The following SIRT1 variants were observed in gnomAD, a reference collection of about 807,000 sequenced individuals.
SIRT1 encodes the protein sirtuin 1.
In SIRT1, 24 loss-of-function variants were observed where a neutral mutation model predicts 67.9. The ratio of observed to expected loss-of-function variants is 0.35; its 90% CI spans 0.26 to 0.50. SIRT1 has a LOEUF of 0.50. Ranked by LOEUF, SIRT1 falls within the 20% of genes least tolerant of loss-of-function variation. SIRT1 has a pLI of 0.98. For synonymous variants in SIRT1, 378 were observed against 350.7 expected, an observed-to-expected ratio of 1.08 and a Z score of -0.87; for missense variants, 873 against 937.2, an observed-to-expected ratio of 0.93 and a Z score of 0.89.
intron 4 of SIRT1, among the ~76,000 whole-genome samples, chr10:67,893,990 A>T (rs1842614576): frequency 6.6e-6 from 1 of 152,214 alleles, no homozygotes; most frequent in South Asian, 2.1e-4. Flanking sequence ...AAAAAAAGTG[A>T]TTTTTTGGAT....
rs548209348 is a variant in SIRT1, at chr10:67,913,722, T to C, written c.1915+691T>C. Among the ~76,000 whole-genome samples, 267 of 152,240 alleles carry C rather than the reference T, an allele frequency of 1.8e-3. 1 individual carries two copies. The highest frequency in any genetic ancestry group is 6.0e-3 in the African/African-American group (248 of 41,558). ...CTGTATGGTGGAAATTCCTAACTTA[T>C]GTTAAAAAAAAGAAAACCACTGTAA... On this transcript the variant is annotated intron_variant, in intron 8 of 8. Transcript: ENST00000212015.
In SIRT1 at chr10:67,906,954, G is replaced by C; in HGVS notation, c.1090+17G>C. 1 of 1,537,516 alleles carries C rather than the reference G, an allele frequency of 6.5e-7. No individual in the cohort carries two copies. Among genetic ancestry groups the C allele is most frequent in the Non-Finnish European group, 8.7e-7 (1 of 1,148,886 alleles). ...AGTGTCATGGTTAGTAAACTTCAGAGTGGTTTTCTGTAATTTATTTTAGTT... is the reference window on the plus strand; with the variant it reads ...AGTGTCATGGTTAGTAAACTTCAGACTGGTTTTCTGTAATTTATTTTAGTT... On this transcript the variant is annotated intron_variant, in intron 5 of 8. Coordinates refer to ENST00000212015, the MANE Select transcript of SIRT1 (RefSeq NM_012238.5).
intron 7 of SIRT1, among the ~76,000 whole-genome samples, chr10:67,911,580 G>A (rs1302680762): frequency 6.6e-6 from 1 of 151,970 alleles, no homozygotes; most frequent in Non-Finnish European, 1.5e-5. Context: ...TTATAATAGC[G>A]TAGAATATGT....
At position 67,906,943 on chromosome 10, in the gene SIRT1, T is replaced by G; in HGVS notation, c.1090+6T>G. The G allele has an allele frequency of 6.4e-7, 1 of 1,571,700 alleles. No individual in the cohort carries two copies. The highest frequency in any genetic ancestry group is 8.6e-7 in the Non-Finnish European group (1 of 1,164,606). On this transcript the variant is annotated splice_donor_region_variant and intron_variant, in intron 5 of 8. Transcript: ENST00000212015. Reference sequence around the variant, plus strand: ...AAGGATAATTCAGTGTCATGGTTAGTAAACTTCAGAGTGGTTTTCTGTAAT... The same window carrying G: ...AAGGATAATTCAGTGTCATGGTTAGGAAACTTCAGAGTGGTTTTCTGTAAT...
intron 7 of SIRT1, among the ~76,000 whole-genome samples, chr10:67,910,572 A>G (rs147487340): frequency 5.8e-4 from 89 of 152,244 alleles, no homozygotes; most frequent in South Asian, 1.0e-3. Context: ...TTCAAATTTA[A>G]TTGATTTCAC....
intron 8 of SIRT1, among the ~76,000 whole-genome samples, chr10:67,915,398 C>A (rs897945867): frequency 6.6e-6 from 1 of 152,152 alleles, no homozygotes; most frequent in Admixed American, 6.5e-5. Context: ...ACTTAAACCC[C>A]AAATGGCCAA....
At position 67,909,205 on chromosome 10, in the gene SIRT1, T is replaced by G. The variant is rs531098462; in HGVS notation, c.1171-51T>G. ...TATGGAAATGTTGACTATTTCTAAC[T>G]TGGGCTTACTCTTTGCTTCTCTACC... On this transcript the variant is annotated intron_variant, in intron 6 of 8. Transcript: ENST00000212015. The G allele has an allele frequency of 4.7e-6, 6 of 1,276,190 alleles. No homozygotes were observed. In the Admixed American group the frequency reaches 1.2e-4, roughly 26 times the overall value. The allele number at this position is 1,276,190 out of a possible 1,614,324, so 79.1% of individuals were successfully genotyped here.
intron 4 of SIRT1, among the ~76,000 whole-genome samples, chr10:67,898,264 AAAAAAAAAAGAAAAG>A (rs1235333269): frequency 5.3e-5 from 8 of 151,150 alleles, no homozygotes; most frequent in South Asian, 4.2e-4. Flanking sequence ...GTCTCAAAAA[AAAAAAAAAAGAAAAG>A]AAAAAAAAAG....
chr10:67,885,201 C>T (rs991333486), intron 1 of SIRT1, 50 bp downstream of exon 1: 4 of 1,294,678 alleles, frequency 3.1e-6, no homozygotes, highest in Admixed American at 8.1e-5. Context: ...CTCCCTCTCC[C>T]CGGGCTCCTA....
chr10:67,906,828 C>T lies in SIRT1; in HGVS notation c.981C>T (p.His327=), dbSNP rs773223608. ...GACAATTCCAGCCATCTCTCTGTCACAAATTCATAGCCTTGTCAGATAAGG... is the reference window on the plus strand; with the variant it reads ...GACAATTCCAGCCATCTCTCTGTCATAAATTCATAGCCTTGTCAGATAAGG... ...YPGQFQPSLC[H]KFIALSDKEG... is the part of the protein sequence containing the mutation. Residue 327 remains histidine, a synonymous_variant, in exon 5 of 9, where the codon CAC becomes CAT. Transcript: ENST00000212015. 2.4e-5 allele frequency: 39 copies of T among 1,612,992 alleles called. 1 individual carries two copies. The South Asian group carries it at 4.1e-4, about 17-fold the overall frequency.
rs80176270 is a variant in SIRT1 at position 67,885,814 on chromosome 10, C to T, written c.430+663C>T. ...TCATATTACTTTTATTCTAATCTTG[C>T]TCTTGTGCGGTAATGGTGTTTGGGC... On this transcript the variant is annotated intron_variant, in intron 1 of 8. Transcript: ENST00000212015. Among the ~76,000 whole-genome samples the T allele has an allele frequency of 5.9e-3, 897 of 152,076 alleles. 13 individuals carry two copies. Among genetic ancestry groups the T allele is most frequent in the African/African-American group, 0.021 (862 of 41,494 alleles).
rs1041162404 is a variant in SIRT1, at chr10:67,916,847, GACTA to G, written c.*258_*261del. ...GTATCTTCAATCAGCTGTTGGTCAA[GACTA>G]ACTTTCTTTTAAAGGTTCATTTGTA... On this transcript the variant is annotated 3_prime_UTR_variant, in exon 9 of 9. Transcript: ENST00000212015. 8.8e-5 allele frequency: 18 copies of G among 203,676 alleles called. No homozygotes were observed. Among genetic ancestry groups the G allele is most frequent in the East Asian group, 1.3e-4 (2 of 15,198 alleles). The allele number at this position is 203,676 out of a possible 1,614,324, so 12.6% of individuals were successfully genotyped here. A position where few individuals can be genotyped will look rare whatever the true frequency, so the allele number is the denominator to read the frequency against.
chr10:67,892,157 T>C (rs1842583895), intron 4 of SIRT1, among the ~76,000 whole-genome samples: 1 of 152,234 alleles, frequency 6.6e-6, no homozygotes. Flanking sequence ...GTATGGAAAA[T>C]ACAAAGTATT....
rs763773932 is a variant in SIRT1 at position 67,912,810 on chromosome 10, A to G, written c.1694A>G (p.Asp565Gly). 1.9e-6 allele frequency: 3 copies of G among 1,614,050 alleles called. No individual in the cohort carries two copies. Among genetic ancestry groups the G allele is most frequent in the Non-Finnish European group, 2.5e-6 (3 of 1,180,032 alleles). ...GACCAAGCAGCTAAGAGTAATGATG[A>G]TTTAGATGTGTCTGAATCAAAAGGT... is the stretch of plus-strand genomic sequence containing the variant. The part of the protein sequence containing the change: ...LLDQAAKSND[D>G]LDVSESKGCM... Residue 565 changes from aspartate (D) to glycine (G), a missense_variant, in exon 8 of 9, where the codon GAT (aspartate) becomes GGT (glycine). By Grantham distance (94) the Asp-to-Gly change is moderately conservative (BLOSUM62 -1). Transcript: ENST00000212015.
At chr10:67,901,025 A>T (rs1034436068) in intron 4 of SIRT1, among the ~76,000 whole-genome samples, 3 of 152,214 alleles carry the variant, frequency 2.0e-5, no homozygotes, top group Non-Finnish European at 4.4e-5. Flanking sequence ...TGTACTTACT[A>T]GTCTTAGTCA....
At position 67,897,948 on chromosome 10, in the gene SIRT1, CTTTTTTTTT is replaced by C. The variant is rs1193148620; in HGVS notation, c.942+6409_942+6417del. 3.7e-5 allele frequency among the ~76,000 whole-genome samples: 4 copies of C among 108,910 alleles called. No homozygotes were observed. The Admixed American group carries it at 4.2e-4, about 11-fold the overall frequency. The allele number at this position is 108,910 out of a possible 152,430, so 71.4% of individuals were successfully genotyped here. A position where few individuals can be genotyped will look rare whatever the true frequency, so the allele number is the denominator to read the frequency against. ...AACTGAATTAGGATGTATAAAATAACTTTTTTTTTTTTTTTTTTTTTTTAAGTAGGACTG... is the reference window on the plus strand; with the variant it reads ...AACTGAATTAGGATGTATAAAATAACTTTTTTTTTTTTTTAAGTAGGACTG... On this transcript the variant is annotated intron_variant, in intron 4 of 8. Transcript: ENST00000212015.
Position 67,906,837 on chromosome 10 carries a change from A to T in SIRT1, c.990A>T (p.Ile330=). The change falls in exon 5 of 9, where the codon ATA becomes ATT. Residue 330 remains isoleucine (I), a synonymous_variant. Coordinates refer to ENST00000212015, the MANE Select transcript of SIRT1 (RefSeq NM_012238.5). The part of the protein sequence containing the change: ...QFQPSLCHKF[I]ALSDKEGKLL... ...AGCCATCTCTCTGTCACAAATTCAT[A>T]GCCTTGTCAGATAAGGAAGGAAAAC... 4 of 1,613,564 alleles carry T rather than the reference A, an allele frequency of 2.5e-6. No homozygotes were observed. The highest frequency in any genetic ancestry group is 3.4e-6 in the Non-Finnish European group (4 of 1,179,776).
intron 4 of SIRT1, among the ~76,000 whole-genome samples, chr10:67,897,250 C>T (rs1842672578): frequency 1.3e-5 from 2 of 151,256 alleles, no homozygotes; most frequent in South Asian, 2.1e-4. Flanking sequence ...ACAGTTAAGG[C>T]CAGTTTTAAA....
At chr10:67,885,184 TCTC>T (rs1205138313) in intron 1 of SIRT1, 33 bp downstream of exon 1, 19 of 1,326,974 alleles carry the variant, frequency 1.4e-5, no homozygotes, top group Middle Eastern at 2.0e-4. Flanking sequence ...GAACTGCGCA[TCTC>T]CTCCTCCCTC....
Sources: gnomAD v4.1 joint callset for allele counts (sites outside exome capture counted in the v4.1 genomes callset) on GRCh38, gnomAD v4.1.1 for gene constraint, MANE v1.5 for transcripts, NCBI Gene and HGNC (gene_info 2026-07-23, HGNC 2026-07-21) for gene names.